Variants in MACROD2 observed in about 807,000 individuals in gnomAD.
MACROD2 encodes ADP-ribose glycohydrolase MACROD2.
In MACROD2, 36 loss-of-function variants were observed where a neutral mutation model predicts 70.4. The observed-to-expected ratio is 0.51, with a 90% CI of 0.39 to 0.68. The LOEUF (loss-of-function observed/expected upper bound fraction) is 0.68, where lower values mean the gene tolerates loss of function less well. Ranked by LOEUF, MACROD2 falls within the 30% of genes least tolerant of loss-of-function variation. MACROD2 has a pLI of 0.00. For missense variants in MACROD2, 496 were observed against 538.4 expected (o/e 0.92, Z 0.78); for synonymous variants, 172 against 178.8 (o/e 0.96, Z 0.30).
chr20:14,073,531 AG>A (rs2053877763), intron 2 of MACROD2, among the ~76,000 whole-genome samples: 3 of 152,322 alleles, frequency 2.0e-5, no homozygotes, highest in African/African-American at 7.2e-5. Context: ...GTTGTATTCC[AG>A]GGAATATAAT....
At chr20:15,309,055 G>A (rs16995525) in intron 6 of MACROD2, among the ~76,000 whole-genome samples, 19,730 of 152,062 alleles carry the variant, frequency 0.13, 1,474 homozygotes, top group African/African-American at 0.2. Flanking sequence ...ATTAAAACTC[G>A]TCCATATCTC....
At chr20:15,596,709 A>T (rs1568918812) in intron 8 of MACROD2, among the ~76,000 whole-genome samples, 1 of 152,216 alleles carries the variant, frequency 6.6e-6, no homozygotes, top group Non-Finnish European at 1.5e-5. Context: ...TGTGCATTCT[A>T]CATCCAAAAG....
chr20:16,049,696 A>G (rs1331800584), intron 17 of MACROD2, 134 bp from the exon 18 acceptor site: 1 of 791,286 alleles, frequency 1.3e-6, no homozygotes, highest in Admixed American at 2.6e-5. Flanking sequence ...GCTCTTTGAT[A>G]GTCAAATAAG....
At chr20:15,989,343 A>G (rs1221681284) in intron 15 of MACROD2, among the ~76,000 whole-genome samples, 1 of 152,148 alleles carries the variant, frequency 6.6e-6, no homozygotes, top group East Asian at 1.9e-4. Context: ...AGCAGTTTTG[A>G]TATGGTCTAA....
chr20:15,398,741 G>A (rs2045892633), intron 6 of MACROD2, among the ~76,000 whole-genome samples: 1 of 152,166 alleles, frequency 6.6e-6, no homozygotes, highest in Non-Finnish European at 1.5e-5. Context: ...GATGGCTGCT[G>A]CAGTTCCAGC....
At chr20:14,479,042 C>T (rs2084631057) in intron 3 of MACROD2, among the ~76,000 whole-genome samples, 1 of 152,054 alleles carries the variant, frequency 6.6e-6, no homozygotes, top group Non-Finnish European at 1.5e-5. Flanking sequence ...CTCCACACCT[C>T]CCTCACCAGC....
At chr20:14,286,572 A>G (rs112986742) in intron 3 of MACROD2, among the ~76,000 whole-genome samples, 27 of 152,228 alleles carry the variant, frequency 1.8e-4, no homozygotes, top group African/African-American at 6.5e-4. Context: ...GGTGTCTCAT[A>G]ATAGCAATTT....
chr20:14,218,292 G>C (rs1157123621), intron 3 of MACROD2, among the ~76,000 whole-genome samples: 1 of 152,114 alleles, frequency 6.6e-6, no homozygotes. Context: ...TTTAACTACT[G>C]TTGCTTTAAA....
intron 3 of MACROD2, among the ~76,000 whole-genome samples, chr20:14,406,635 A>G (rs11905518): frequency 0.056 from 8,474 of 152,194 alleles, 272 homozygotes; most frequent in African/African-American, 0.066. Context: ...CAGATGTTAC[A>G]TTCCTCAAGG....
At chr20:14,334,520 G>A (rs78767221) in intron 3 of MACROD2, among the ~76,000 whole-genome samples, 14 of 152,082 alleles carry the variant, frequency 9.2e-5, no homozygotes, top group African/African-American at 3.1e-4. Flanking sequence ...TGCCCACTGG[G>A]GGGTGGTACA....
At chr20:14,768,243 A>G (rs1196458603) in intron 5 of MACROD2, among the ~76,000 whole-genome samples, 1 of 152,054 alleles carries the variant, frequency 6.6e-6, no homozygotes, top group African/African-American at 2.4e-5. Flanking sequence ...GAAGTAATTT[A>G]CACTCCCACC....
chr20:14,614,790 C>T (rs143762713), intron 4 of MACROD2, among the ~76,000 whole-genome samples: 2,229 of 152,186 alleles, frequency 0.015, 57 homozygotes, highest in African/African-American at 0.051. Context: ...ATGCTAAACA[C>T]TGCAGGCATA....
chr20:14,608,820 T>C (rs1451161009), intron 4 of MACROD2, among the ~76,000 whole-genome samples: 1 of 152,174 alleles, frequency 6.6e-6, no homozygotes, highest in African/African-American at 2.4e-5. Context: ...GGTACCGTTT[T>C]AGATAGAATG....
rs11389584 is a variant in MACROD2 at position 14,843,163 on chromosome 20, CT to C, written c.418+158223del. ...GATCATCTCATTTCATGTTCATTAA[CT>C]TTTTTTTTTTTTTTTTTTGCTGCCT... On this transcript the variant is annotated intron_variant, in intron 5 of 17. Transcript: ENST00000684519. Among the ~76,000 whole-genome samples, 1,156 of 119,222 alleles carry C rather than the reference CT, an allele frequency of 9.7e-3. 13 individuals are homozygous for C. Among genetic ancestry groups the C allele is most frequent in the East Asian group, 0.048 (195 of 4,080 alleles). 78.2% of individuals were successfully genotyped at this position (119,222 alleles called of 152,430 possible). A position where few individuals can be genotyped will look rare whatever the true frequency, so the allele number is the denominator to read the frequency against.
intron 5 of MACROD2, among the ~76,000 whole-genome samples, chr20:14,806,125 C>T (rs2072635654): frequency 2.0e-5 from 3 of 152,098 alleles, no homozygotes; most frequent in Admixed American, 2.0e-4. Context: ...TCTGGTACGT[C>T]TTTGGATAAA....
chr20:15,446,837 T>C (rs1291674700), intron 7 of MACROD2, among the ~76,000 whole-genome samples: 1 of 152,178 alleles, frequency 6.6e-6, no homozygotes, highest in Non-Finnish European at 1.5e-5. Flanking sequence ...AAGTGCACAG[T>C]TGCTGTTTTC....
chr20:14,846,618 C>T (rs778675586), intron 5 of MACROD2, among the ~76,000 whole-genome samples: 16 of 145,496 alleles, frequency 1.1e-4, no homozygotes, highest in South Asian at 2.2e-4. Flanking sequence ...CCCGGGTTCA[C>T]GCCACTCTCC....
chr20:15,818,614 C>T (rs1250128336), intron 8 of MACROD2, among the ~76,000 whole-genome samples: 1 of 152,142 alleles, frequency 6.6e-6, no homozygotes, highest in Non-Finnish European at 1.5e-5. Flanking sequence ...TTGTGCTGAC[C>T]TCTTATCTCA....
intron 12 of MACROD2, among the ~76,000 whole-genome samples, chr20:15,951,540 C>G: frequency 6.6e-6 from 1 of 151,938 alleles, no homozygotes; most frequent in East Asian, 1.9e-4. Flanking sequence ...TTGAAATTAG[C>G]CCTGTTATTT....
Sources: gnomAD v4.1 joint callset for allele counts (sites outside exome capture counted in the v4.1 genomes callset) on GRCh38, gnomAD v4.1.1 for gene constraint, MANE v1.5 for transcripts, NCBI Gene and HGNC (gene_info 2026-07-23, HGNC 2026-07-21) for gene names.